The following AFAP1 variants were observed in gnomAD, a reference collection of about 807,000 sequenced individuals.
The protein encoded by AFAP1 is actin filament-associated protein 1.
In AFAP1, 75 loss-of-function variants were observed where a neutral mutation model predicts 93.9. The ratio of observed to expected loss-of-function variants is 0.80; its 90% CI spans 0.66 to 0.97. AFAP1 has a LOEUF of 0.97. Ranked by LOEUF, AFAP1 falls within the 50% of genes least tolerant of loss-of-function variation. The pLI, the probability that AFAP1 is intolerant of heterozygous loss-of-function variation, is 0.00. For synonymous variants in AFAP1, 517 were observed against 430.7 expected, an observed-to-expected ratio of 1.20 and a Z score of -2.48; for missense variants, 1,201 against 1,050.8, an observed-to-expected ratio of 1.14 and a Z score of -1.98.
At chr4:7,778,946 TC>T (rs1716451966) in intron 13 of AFAP1, 70 bp from the exon 14 acceptor site, 1 of 1,181,500 alleles carries the variant, frequency 8.5e-7, no homozygotes, top group East Asian at 2.3e-5. Context: ...CTTTTTTTTT[TC>T]TGGAGTCATT....
At chr4:7,936,699 A>G (rs935860899) in intron 1 of AFAP1, among the ~76,000 whole-genome samples, 4 of 151,152 alleles carry the variant, frequency 2.6e-5, no homozygotes, top group Non-Finnish European at 5.9e-5. Context: ...CTCCTGCCTC[A>G]GCTTCCCGAG....
intron 16 of AFAP1, among the ~76,000 whole-genome samples, chr4:7,770,241 T>G (rs1577178727): frequency 1.3e-5 from 2 of 149,324 alleles, no homozygotes; most frequent in Non-Finnish European, 1.5e-5. Flanking sequence ...AGGCGGGGGG[T>G]GGCAAGGCAG....
In AFAP1 at chr4:7,874,369, T is replaced by C. The variant is rs1476134497; in HGVS notation, c.-2-2289A>G. On this transcript the variant is annotated intron_variant, in intron 1 of 17. Transcript: ENST00000420658. The stretch of plus-strand genomic sequence containing the variant: ...GATTGCCTTTTTCTTTTTTTTTTTT[T>C]TTTTTTTTTTTTGAGACAGAGTCTT... 1.4e-4 allele frequency among the ~76,000 whole-genome samples: 20 copies of C among 138,402 alleles called. No individual in the cohort carries two copies. The East Asian group carries it at 4.2e-3, about 29-fold the overall frequency. 90.8% of individuals were successfully genotyped at this position (138,402 alleles called of 152,430 possible). A position where few individuals can be genotyped will look rare whatever the true frequency, so the allele number is the denominator to read the frequency against.
In AFAP1 at chr4:7,819,076, C is replaced by G. The variant is rs1720735166; in HGVS notation, c.822G>C (p.Lys274Asn). The G allele has an allele frequency of 3.1e-6, 5 of 1,608,116 alleles. No homozygotes were observed. Among genetic ancestry groups the G allele is most frequent in the East Asian group, 2.2e-5 (1 of 44,700 alleles). Residue 274 changes from lysine (K) to asparagine (N), a missense_variant and splice_region_variant, in exon 7 of 18, where the codon AAG (lysine) becomes AAC (asparagine). By Grantham distance (94) the Lys-to-Asn change is moderately conservative. Transcript: ENST00000420658. ...CACCCAGCAAGAGCAGCGCCCTTAC[C>G]TTCTCCAGTTCTGCCTTGTGCACCG... ...SSPVHKAELE[K>N]KLSSERPSSD...
At chr4:7,839,059 G>C (rs958574594) in intron 5 of AFAP1, among the ~76,000 whole-genome samples, 2 of 152,190 alleles carry the variant, frequency 1.3e-5, no homozygotes, top group African/African-American at 4.8e-5. Context: ...CATAGGCTGG[G>C]CACGATGGCT....
chr4:7,775,971 C>T (rs1265776774), intron 14 of AFAP1: 1 of 152,180 alleles, frequency 6.6e-6, no homozygotes, highest in Admixed American at 6.5e-5. Flanking sequence ...AAAACCTGAC[C>T]CCATGCTCTC....
chr4:7,764,579 T>C (rs771379205), intron 17 of AFAP1, among the ~76,000 whole-genome samples: 3 of 152,182 alleles, frequency 2.0e-5, no homozygotes, highest in African/African-American at 7.2e-5. Flanking sequence ...TTTACTCTAA[T>C]AGAAAAAAAT....
intron 8 of AFAP1, among the ~76,000 whole-genome samples, chr4:7,815,065 T>G (rs1720356830): frequency 6.6e-6 from 1 of 152,262 alleles, no homozygotes; most frequent in South Asian, 2.1e-4. Context: ...AATGGAATAT[T>G]ATTCAGCCTT....
intron 9 of AFAP1, chr4:7,809,375 A>AT (rs112743348): frequency 0.011 from 3,610 of 315,910 alleles, no homozygotes; most frequent in Middle Eastern, 0.021. Flanking sequence ...TTAAAGGGAA[A>AT]TTTTTTTTTT....
chr4:7,875,811 TATGTTAAAATAGACAAA>T (rs1354831857), intron 1 of AFAP1, among the ~76,000 whole-genome samples: 2 of 152,094 alleles, frequency 1.3e-5, no homozygotes, highest in Non-Finnish European at 2.9e-5. Context: ...TTGAAAACAT[TATGTTAAAATAGACAAA>T]AAGAGGCAAA....
At chr4:7,819,277 C>T (rs1720755217) in intron 6 of AFAP1, 106 bp from the exon 7 acceptor site, 1 of 1,016,454 alleles carries the variant, frequency 9.8e-7, no homozygotes, top group Non-Finnish European at 1.4e-6. Flanking sequence ...TAGGGAAATT[C>T]ATGGGCTCAA....
chr4:7,869,811 GCAAA>G (rs1483882432), intron 2 of AFAP1, among the ~76,000 whole-genome samples: 1 of 151,204 alleles, frequency 6.6e-6, no homozygotes, highest in Non-Finnish European at 1.5e-5. Flanking sequence ...TTAGAGAACT[GCAAA>G]CAAACAAAAG....
At position 7,819,265 on chromosome 4, in the gene AFAP1, G is replaced by A. The variant is rs1035960647; in HGVS notation, c.727-94C>T. The A allele has an allele frequency of 5.2e-6, 6 of 1,155,956 alleles. No homozygotes were observed. In the South Asian group the frequency reaches 7.6e-5, roughly 15 times the overall value. The allele number at this position is 1,155,956 out of a possible 1,614,324, so 71.6% of individuals were successfully genotyped here. On this transcript the variant is annotated intron_variant, in intron 6 of 17. Coordinates refer to ENST00000420658, the MANE Select transcript of AFAP1 (RefSeq NM_001134647.2). ...TTGTACAGACAGAGGCACATGGCGTGGTAGGGAAATTCATGGGCTCAAAGC... is the reference window on the plus strand; with the variant it reads ...TTGTACAGACAGAGGCACATGGCGTAGTAGGGAAATTCATGGGCTCAAAGC...
chr4:7,859,405 C>G (rs1284270571), intron 3 of AFAP1, among the ~76,000 whole-genome samples: 1 of 151,792 alleles, frequency 6.6e-6, no homozygotes, highest in Non-Finnish European at 1.5e-5. Context: ...GGCAACAGAG[C>G]AAGACTCTGT....
chr4:7,860,874 C>G (rs2149156735), intron 3 of AFAP1, among the ~76,000 whole-genome samples: 1 of 152,336 alleles, frequency 6.6e-6, no homozygotes, highest in Admixed American at 6.5e-5. Context: ...CTCCCCGCGC[C>G]CAAGGCAGAC....
chr4:7,904,284 G>A (rs112765320), intron 1 of AFAP1, among the ~76,000 whole-genome samples: 279 of 151,970 alleles, frequency 1.8e-3, no homozygotes, highest in African/African-American at 3.4e-3. Flanking sequence ...AGAAACAAGC[G>A]GAAACGGCTC....
chr4:7,805,530 A>G (rs1287668589), intron 9 of AFAP1, among the ~76,000 whole-genome samples: 1 of 152,216 alleles, frequency 6.6e-6, no homozygotes, highest in East Asian at 1.9e-4. Flanking sequence ...CCAGGTACTG[A>G]GCATAAATGA....
intron 8 of AFAP1, among the ~76,000 whole-genome samples, chr4:7,814,200 G>A (rs1269974984): frequency 6.6e-6 from 1 of 152,172 alleles, no homozygotes; most frequent in Admixed American, 6.5e-5. Flanking sequence ...ATAAAAATAT[G>A]AGCAAAATAT....
intron 16 of AFAP1, among the ~76,000 whole-genome samples, chr4:7,770,358 A>C (rs1577179036): frequency 6.6e-6 from 1 of 152,144 alleles, no homozygotes; most frequent in South Asian, 2.1e-4. Context: ...GGAACCGGGG[A>C]GTGAGGACTA....
Sources: allele counts gnomAD v4.1 joint callset (sites outside exome capture counted in the v4.1 genomes callset), GRCh38; gene constraint gnomAD v4.1.1; transcripts MANE v1.5; gene names NCBI Gene and HGNC (gene_info 2026-07-23, HGNC 2026-07-21).